Variants in CCDC175 observed in about 807,000 individuals in gnomAD.
CCDC175 encodes coiled-coil domain-containing protein 175.
In CCDC175, 100 loss-of-function variants were observed where a neutral mutation model predicts 114.6. The ratio of observed to expected loss-of-function variants is 0.87; its 90% CI spans 0.74 to 1.03. CCDC175 has a LOEUF of 1.03. Among genes scored for constraint, CCDC175 ranks in the 50% least tolerant of loss-of-function variants. The pLI is 0.00. For missense variants in CCDC175, 880 were observed against 917.8 expected (o/e 0.96, Z 0.53); for synonymous variants, 306 against 308.7 (o/e 0.99, Z 0.09).
chr14:59,552,602 A>G (rs2140077145), intron 7 of CCDC175, among the ~76,000 whole-genome samples: 1 of 152,348 alleles, frequency 6.6e-6, no homozygotes, highest in East Asian at 1.9e-4. Context: ...CCAGCAATGG[A>G]ACAAAGCTGG....
At chr14:59,560,974 C>T in intron 7 of CCDC175, 145 bp downstream of exon 7, 1 of 509,512 alleles carries the variant, frequency 2.0e-6, no homozygotes, top group East Asian at 3.1e-5. Context: ...AAAGCTTTCA[C>T]ATATATTTTA....
chr14:59,521,177 C>T (rs1325551890), intron 17 of CCDC175, among the ~76,000 whole-genome samples: 1 of 152,118 alleles, frequency 6.6e-6, no homozygotes, highest in African/African-American at 2.4e-5. Context: ...GGGTGGGAAC[C>T]GTCTAATCAG....
In CCDC175 at chr14:59,509,631, A is replaced by G. The variant is rs142418381; in HGVS notation, c.2305+1015T>C. ...AGGCTCAAGCAATTCTCCCATCTCA[A>G]CCTTCCGAGTAGCTGAGGCAGAGGC... is the stretch of plus-strand genomic sequence containing the variant. On this transcript the variant is annotated intron_variant, in intron 19 of 19. Coordinates refer to ENST00000537690, the MANE Select transcript of CCDC175 (RefSeq NM_001164399.2). Among the ~76,000 whole-genome samples, 1,411 of 152,138 alleles carry G rather than the reference A, an allele frequency of 9.3e-3. 23 individuals carry two copies. The highest frequency in any genetic ancestry group is 0.031 in the African/African-American group (1,281 of 41,496).
intron 19 of CCDC175, among the ~76,000 whole-genome samples, chr14:59,507,005 A>AAAT (rs1394321846): frequency 3.3e-5 from 5 of 152,256 alleles, no homozygotes; most frequent in African/African-American, 1.2e-4. Flanking sequence ...TTTACTTTAA[A>AAAT]AATAACTGTA....
chr14:59,550,188 C>T (rs943585688), intron 8 of CCDC175, among the ~76,000 whole-genome samples: 6 of 152,086 alleles, frequency 3.9e-5, no homozygotes, highest in South Asian at 4.1e-4. Flanking sequence ...GAATTACAGG[C>T]GTGAGCCACC....
At chr14:59,547,938 A>G (rs984829454) in intron 8 of CCDC175, among the ~76,000 whole-genome samples, 2 of 152,182 alleles carry the variant, frequency 1.3e-5, no homozygotes, top group Non-Finnish European at 2.9e-5. Context: ...AAATCCAACA[A>G]TGCCACTGCT....
At chr14:59,520,345 T>C (rs562981528) in intron 17 of CCDC175, among the ~76,000 whole-genome samples, 2 of 152,356 alleles carry the variant, frequency 1.3e-5, no homozygotes, top group Non-Finnish European at 2.9e-5. Flanking sequence ...CAATGGGAAC[T>C]CTTCTCCATT....
At chr14:59,566,100 A>G (rs1438475041) in intron 4 of CCDC175, among the ~76,000 whole-genome samples, 2 of 152,178 alleles carry the variant, frequency 1.3e-5, no homozygotes, top group Non-Finnish European at 2.9e-5. Flanking sequence ...GTCTATCTTT[A>G]CTGTTTGAAG....
At chr14:59,514,189 A>C (rs1892923349) in intron 17 of CCDC175, among the ~76,000 whole-genome samples, 1 of 152,234 alleles carries the variant, frequency 6.6e-6, no homozygotes, top group Non-Finnish European at 1.5e-5. Context: ...CAAAGACCAA[A>C]GGTAGATAAA....
Position 59,566,987 on chromosome 14 carries a change from C to G in CCDC175, c.491+1258G>C, listed in dbSNP as rs558696682. 2.6e-5 allele frequency among the ~76,000 whole-genome samples: 4 copies of G among 152,310 alleles called. No individual in the cohort carries two copies. The South Asian group carries it at 8.3e-4, about 32-fold the overall frequency. The stretch of plus-strand genomic sequence containing the variant: ...GCAAATTCTTATCCCCACCGCACTC[C>G]TCCCAGATCTGTTAAATCAGCAATT... On this transcript the variant is annotated intron_variant, in intron 4 of 19. Coordinates refer to ENST00000537690, the MANE Select transcript of CCDC175 (RefSeq NM_001164399.2).
In CCDC175 at chr14:59,574,929, A is replaced by G. The variant is rs1193594218; in HGVS notation, c.243+14T>C. The G allele has an allele frequency of 1.5e-6, 2 of 1,312,976 alleles. No homozygotes were observed. The highest frequency in any genetic ancestry group is 3.0e-5 in the African/African-American group (2 of 67,464). The allele number at this position is 1,312,976 out of a possible 1,614,324, so 81.3% of individuals were successfully genotyped here. Reference sequence around the variant, plus strand: ...GGAAGATTGAAGAAATGGTTCTTATAGATAATACAATACCAATTTCTTAAC... The same window carrying G: ...GGAAGATTGAAGAAATGGTTCTTATGGATAATACAATACCAATTTCTTAAC... On this transcript the variant is annotated intron_variant, in intron 2 of 19. Transcript: ENST00000537690.
intron 3 of CCDC175, among the ~76,000 whole-genome samples, chr14:59,570,358 G>A (rs373464987): frequency 2.0e-4 from 31 of 152,200 alleles, no homozygotes; most frequent in African/African-American, 7.2e-4. Context: ...TGTGCCAGCT[G>A]GTAAAGGGGA....
intron 13 of CCDC175, among the ~76,000 whole-genome samples, chr14:59,535,021 CACA>C (rs1394994859): frequency 6.6e-6 from 1 of 152,140 alleles, no homozygotes; most frequent in Non-Finnish European, 1.5e-5. Context: ...CCACCAGGGG[CACA>C]ACAATAGTTT....
At chr14:59,563,291 T>C (rs1246323750) in intron 6 of CCDC175, among the ~76,000 whole-genome samples, 1 of 152,158 alleles carries the variant, frequency 6.6e-6, no homozygotes, top group African/African-American at 2.4e-5. Flanking sequence ...ATTTTCTAAT[T>C]TAAATAGACA....
intron 19 of CCDC175, chr14:59,510,434 C>A: frequency 2.1e-6 from 1 of 466,968 alleles, no homozygotes; most frequent in Non-Finnish European, 3.8e-6. Flanking sequence ...ATTTAGTTAT[C>A]TAGAAAATTC....
chr14:59,528,019 G>A (rs1355074948), intron 14 of CCDC175, among the ~76,000 whole-genome samples: 4 of 151,732 alleles, frequency 2.6e-5, no homozygotes, highest in Admixed American at 2.0e-4. Context: ...TCTATTTGTT[G>A]AAGCAAATTC....
Position 59,540,661 on chromosome 14 carries a change from T to C in CCDC175, c.1355+14A>G. ...AACACAAATAAACTTTTTTTTTTTT[T>C]TTTTTTTTTTTACCATCTCTGACTT... On this transcript the variant is annotated intron_variant, in intron 11 of 19. Coordinates refer to ENST00000537690, the MANE Select transcript of CCDC175 (RefSeq NM_001164399.2). 6.7e-7 allele frequency: 1 copy of C among 1,502,166 alleles called. No individual in the cohort carries two copies. The highest frequency in any genetic ancestry group is 1.3e-5 in the South Asian group (1 of 77,768). The allele number at this position is 1,502,166 out of a possible 1,614,324, so 93.1% of individuals were successfully genotyped here.
At chr14:59,532,298 G>A (rs117288192) in intron 13 of CCDC175, among the ~76,000 whole-genome samples, 561 of 152,306 alleles carry the variant, frequency 3.7e-3, no homozygotes, top group Non-Finnish European at 6.0e-3. Flanking sequence ...TTGGATGTGA[G>A]AAATGGGAAA....
At chr14:59,510,065 G>T (rs1234678700) in intron 19 of CCDC175, among the ~76,000 whole-genome samples, 1 of 152,116 alleles carries the variant, frequency 6.6e-6, no homozygotes, top group Non-Finnish European at 1.5e-5. Context: ...CCTGTGCAAG[G>T]ACTCACCTTC....
Sources: gnomAD v4.1 joint callset for allele counts (sites outside exome capture counted in the v4.1 genomes callset) on GRCh38, gnomAD v4.1.1 for gene constraint, MANE v1.5 for transcripts, NCBI Gene and HGNC (gene_info 2026-07-23, HGNC 2026-07-21) for gene names.